EMSY: variants seen among roughly 807,000 people sequenced by gnomAD.
The protein encoded by EMSY is BRCA2-interacting transcriptional repressor EMSY.
A neutral mutation model predicts 134.6 loss-of-function variants in EMSY; 26 were observed. The observed-to-expected ratio is 0.19, with a 90% CI of 0.14 to 0.27. The LOEUF (loss-of-function observed/expected upper bound fraction) is 0.27, where lower values mean the gene tolerates loss of function less well. Ranked by LOEUF, EMSY falls within the 10% of genes least tolerant of loss-of-function variation. EMSY has a pLI of 1.00. For missense variants in EMSY, 1,305 were observed against 1,611.4 expected (o/e 0.81, Z 3.26); for synonymous variants, 579 against 577.8 (o/e 1.00, Z -0.03).
At chr11:76,525,091 A>G (rs557358935) in intron 12 of EMSY, among the ~76,000 whole-genome samples, 2 of 152,230 alleles carry the variant, frequency 1.3e-5, no homozygotes, top group African/African-American at 4.8e-5. Flanking sequence ...TGCCCACAAC[A>G]CACATCAGAA....
chr11:76,491,877 C>T (rs1282105281), intron 8 of EMSY, among the ~76,000 whole-genome samples: 1 of 152,208 alleles, frequency 6.6e-6, no homozygotes, highest in African/African-American at 2.4e-5. Context: ...TGCTTTATAC[C>T]ACCAGATGGC....
At chr11:76,493,276 G>A (rs1487222008) in intron 8 of EMSY, among the ~76,000 whole-genome samples, 1 of 152,232 alleles carries the variant, frequency 6.6e-6, no homozygotes, top group Non-Finnish European at 1.5e-5. Flanking sequence ...CAATGAGCAC[G>A]GGAAGGAGGC....
At chr11:76,513,889 G>T (rs1239839846) in intron 10 of EMSY, among the ~76,000 whole-genome samples, 1 of 152,114 alleles carries the variant, frequency 6.6e-6, no homozygotes, top group Non-Finnish European at 1.5e-5. Context: ...GTAAGTAGGT[G>T]CTCAGTCAGG....
At chr11:76,484,410 C>A (rs527505676) in intron 8 of EMSY, among the ~76,000 whole-genome samples, 12 of 152,068 alleles carry the variant, frequency 7.9e-5, no homozygotes, top group Non-Finnish European at 1.6e-4. Flanking sequence ...CAGAGCAGAA[C>A]TGAAGGAGAT....
At chr11:76,543,711 G>T (rs780414277) in intron 18 of EMSY, among the ~76,000 whole-genome samples, 43 of 152,164 alleles carry the variant, frequency 2.8e-4, no homozygotes, top group South Asian at 1.2e-3. Context: ...TAGTCGAGAG[G>T]TGCTTCATGC....
At chr11:76,524,440 T>C (rs1950771201) in intron 12 of EMSY, among the ~76,000 whole-genome samples, 1 of 152,210 alleles carries the variant, frequency 6.6e-6, no homozygotes, top group African/African-American at 2.4e-5. Context: ...GCTTCATTGG[T>C]AGGGGTCCAG....
chr11:76,481,831 T>A (rs1206370829), intron 8 of EMSY, among the ~76,000 whole-genome samples: 1 of 152,008 alleles, frequency 6.6e-6, no homozygotes, highest in Non-Finnish European at 1.5e-5. Flanking sequence ...TTCAGCAGAG[T>A]TAAACGTTCC....
At chr11:76,528,537 G>T in intron 14 of EMSY, 71 bp downstream of exon 15, 7 of 1,118,998 alleles carry the variant, frequency 6.3e-6, no homozygotes, top group South Asian at 3.5e-5. Context: ...AATAGAGGTT[G>T]CTTCTACACA....
intron 20 of EMSY, among the ~76,000 whole-genome samples, chr11:76,548,380 T>G (rs938195936): frequency 6.6e-6 from 1 of 152,248 alleles, no homozygotes. Context: ...CATTGGTTGA[T>G]TCGTTCATTC....
At chr11:76,450,305 C>T (rs898086925) in intron 2 of EMSY, among the ~76,000 whole-genome samples, 3 of 152,062 alleles carry the variant, frequency 2.0e-5, no homozygotes, top group Non-Finnish European at 4.4e-5. Context: ...TTTCTGGACT[C>T]TATTCTGGGT....
At chr11:76,502,035 A>C (rs1253326685) in intron 9 of EMSY, among the ~76,000 whole-genome samples, 1 of 137,970 alleles carries the variant, frequency 7.2e-6, no homozygotes, top group African/African-American at 2.8e-5. Context: ...TGGATAACAC[A>C]TTTGAAATGA....
rs2134869468 is a variant in EMSY at position 76,453,309 on chromosome 11, C to T, written c.171-5C>T. ...GAGTTCTATAATGGCTATTTTTCTT[C>T]ATAGCATCTCAACAGAACGCCACCG... On this transcript the variant is annotated splice_region_variant and splice_polypyrimidine_tract_variant and intron_variant, in intron 3 of 20. Coordinates refer to ENST00000334736, the Ensembl canonical transcript of EMSY. The T allele has an allele frequency of 1.9e-6, 3 of 1,611,480 alleles. No homozygotes were observed. The highest frequency in any genetic ancestry group is 2.5e-6 in the Non-Finnish European group (3 of 1,178,494).
intron 11 of EMSY, among the ~76,000 whole-genome samples, chr11:76,522,760 G>C (rs61894545): frequency 6.6e-6 from 1 of 152,038 alleles, no homozygotes; most frequent in Non-Finnish European, 1.5e-5. Flanking sequence ...TTTACTTCAT[G>C]TTCTTTTTTG....
intron 9 of EMSY, among the ~76,000 whole-genome samples, chr11:76,509,114 A>T (rs1431958068): frequency 1.3e-5 from 2 of 152,180 alleles, no homozygotes; most frequent in Admixed American, 6.5e-5. Flanking sequence ...ATAATAATAA[A>T]AAAAAACTTT....
chr11:76,518,118 G>T (rs1950510045), intron 11 of EMSY, among the ~76,000 whole-genome samples: 1 of 150,518 alleles, frequency 6.6e-6, no homozygotes, highest in African/African-American at 2.4e-5. Context: ...TCCATGAGCA[G>T]ATGCTTTTTC....
At chr11:76,496,533 C>T in intron 9 of EMSY, 64 bp downstream of exon 10, 1 of 1,556,910 alleles carries the variant, frequency 6.4e-7, no homozygotes, top group Non-Finnish European at 8.8e-7. Flanking sequence ...TTTAGTCTTC[C>T]AGTCCATGAA....
At chr11:76,463,448 C>T (rs1346176579) in intron 6 of EMSY, among the ~76,000 whole-genome samples, 1 of 151,532 alleles carries the variant, frequency 6.6e-6, no homozygotes, top group Admixed American at 6.6e-5. Context: ...AAGGTGAAAC[C>T]CCGTCTCTAC....
At chr11:76,475,986 C>T (rs1948756426) in intron 8 of EMSY, among the ~76,000 whole-genome samples, 1 of 152,234 alleles carries the variant, frequency 6.6e-6, no homozygotes, top group Non-Finnish European at 1.5e-5. Context: ...TCTCTTTTAA[C>T]TTAGCAGTCT....
chr11:76,471,339 C>T (rs1948561196), intron 7 of EMSY, among the ~76,000 whole-genome samples: 1 of 152,122 alleles, frequency 6.6e-6, no homozygotes, highest in Non-Finnish European at 1.5e-5. Context: ...TTACCAACTT[C>T]CTGATAAGTC....
Sources: gnomAD v4.1 joint callset for allele counts (sites outside exome capture counted in the v4.1 genomes callset) on GRCh38, gnomAD v4.1.1 for gene constraint, MANE v1.5 for transcripts, NCBI Gene and HGNC (gene_info 2026-07-23, HGNC 2026-07-21) for gene names.